Variants in CSGALNACT1 observed in about 807,000 individuals in gnomAD.
CSGALNACT1 encodes the protein chondroitin sulfate N-acetylgalactosaminyltransferase 1.
In CSGALNACT1, 52 loss-of-function variants were observed where a neutral mutation model predicts 51.0. The observed-to-expected ratio is 1.02, with a 90% CI of 0.82 to 1.29. The LOEUF is 1.29. Among genes scored for constraint, CSGALNACT1 ranks in the 50% most tolerant of loss-of-function variants. The pLI, the probability that CSGALNACT1 is intolerant of heterozygous loss-of-function variation, is 0.00. For missense variants in CSGALNACT1, 935 were observed against 679.2 expected, an observed-to-expected ratio of 1.38 and a Z score of -4.19; for synonymous variants, 341 against 254.4, an observed-to-expected ratio of 1.34 and a Z score of -3.24.
chr8:19,657,239 T>TAAACTGAAA (rs1169116172), intron 1 of CSGALNACT1, among the ~76,000 whole-genome samples: 1 of 86,284 alleles, frequency 1.2e-5, no homozygotes, highest in Non-Finnish European at 2.4e-5. Context: ...AACTGAAAGA[T>TAAACTGAAA]GATAAACTGA....
chr8:19,657,407 TG>T (rs1347354173), intron 1 of CSGALNACT1, among the ~76,000 whole-genome samples: 1 of 152,218 alleles, frequency 6.6e-6, no homozygotes, highest in African/African-American at 2.4e-5. Flanking sequence ...AAATAATGGT[TG>T]GATATTTTCT....
intron 9 of CSGALNACT1, among the ~76,000 whole-genome samples, chr8:19,407,023 A>T (rs1337813152): frequency 6.6e-6 from 1 of 152,224 alleles, no homozygotes; most frequent in Middle Eastern, 3.4e-3. Context: ...AAATTTTTAA[A>T]TGTCCTTTTT....
intron 1 of CSGALNACT1, among the ~76,000 whole-genome samples, chr8:19,733,595 G>A (rs2063803823): frequency 2.6e-5 from 4 of 152,118 alleles, no homozygotes. Context: ...TAATCAGAGG[G>A]TAACAAAGGC....
chr8:19,471,888 T>C (rs2068268849), intron 4 of CSGALNACT1, among the ~76,000 whole-genome samples: 2 of 152,198 alleles, frequency 1.3e-5, no homozygotes, highest in African/African-American at 4.8e-5. Flanking sequence ...CTCTGCACTT[T>C]TCTCCCTCAA....
intron 3 of CSGALNACT1, among the ~76,000 whole-genome samples, chr8:19,563,280 G>A (rs1250876439): frequency 6.6e-6 from 1 of 152,140 alleles, no homozygotes; most frequent in Non-Finnish European, 1.5e-5. Context: ...TCTGTCAGGA[G>A]GGTCAGGGGG....
chr8:19,649,723 C>T (rs2057605927), intron 1 of CSGALNACT1, among the ~76,000 whole-genome samples: 3 of 146,294 alleles, frequency 2.1e-5, no homozygotes, highest in Non-Finnish European at 3.0e-5. Context: ...TGAGGTTGTT[C>T]GTTTACTACA....
At chr8:19,605,836 A>ACTTTT (rs575376342), upstream of CSGALNACT1, among the ~76,000 whole-genome samples, 1 of 152,210 alleles carries the variant, frequency 6.6e-6, no homozygotes, top group African/African-American at 2.4e-5. Flanking sequence ...AAAATCATCT[A>ACTTTT]CTGAAAAGAG....
chr8:19,529,380 C>G (rs571586336), intron 3 of CSGALNACT1, among the ~76,000 whole-genome samples: 1 of 152,130 alleles, frequency 6.6e-6, no homozygotes, highest in Non-Finnish European at 1.5e-5. Context: ...GGGCCTTGAC[C>G]ACTACTGGGC....
At chr8:19,513,848 G>A (rs1228063985) in intron 3 of CSGALNACT1, among the ~76,000 whole-genome samples, 1 of 152,022 alleles carries the variant, frequency 6.6e-6, no homozygotes, top group African/African-American at 2.4e-5. Flanking sequence ...TAAAAATATA[G>A]TATTATAATT....
chr8:19,651,924 TG>T (rs67358913), intron 1 of CSGALNACT1, among the ~76,000 whole-genome samples: 1,031 of 44,428 alleles, frequency 0.023, 14 homozygotes, highest in African/African-American at 0.053. Flanking sequence ...TGTTTTTTTT[TG>T]TTTTGTTTTG....
At chr8:19,745,889 G>A (rs73592413) in intron 1 of CSGALNACT1, among the ~76,000 whole-genome samples, 3,084 of 152,174 alleles carry the variant, frequency 0.02, 101 homozygotes, top group African/African-American at 0.071. Context: ...AGTACACATC[G>A]GAAAACAGGA....
intron 5 of CSGALNACT1, chr8:19,457,737 T>C (rs1009630492): frequency 8.8e-5 from 118 of 1,348,158 alleles, no homozygotes; most frequent in Non-Finnish European, 1.1e-4. Flanking sequence ...TATGTGCATC[T>C]GAGCCATCAC....
chr8:19,750,243 C>A (rs2064947319), intron 1 of CSGALNACT1, among the ~76,000 whole-genome samples: 1 of 152,186 alleles, frequency 6.6e-6, no homozygotes, highest in South Asian at 2.1e-4. Context: ...TGCCTCCTGG[C>A]CATCCTCTTT....
chr8:19,504,288 G>C (rs970148782), intron 4 of CSGALNACT1, among the ~76,000 whole-genome samples: 47 of 152,286 alleles, frequency 3.1e-4, no homozygotes, highest in African/African-American at 1.0e-3. Flanking sequence ...GTGTTAGCCA[G>C]GATGGTCTCG....
chr8:19,659,185 G>T (rs570330006), intron 1 of CSGALNACT1, among the ~76,000 whole-genome samples: 193 of 152,218 alleles, frequency 1.3e-3, no homozygotes, highest in African/African-American at 4.4e-3. Flanking sequence ...TTTAATCAGG[G>T]TATCTCACAT....
At chr8:19,581,894 G>T (rs1451390015) in intron 3 of CSGALNACT1, among the ~76,000 whole-genome samples, 1 of 152,092 alleles carries the variant, frequency 6.6e-6, no homozygotes, top group Non-Finnish European at 1.5e-5. Flanking sequence ...TAATTTCAAA[G>T]GATTAACAAA....
At chr8:19,586,035 T>C (rs1269830696) in intron 3 of CSGALNACT1, among the ~76,000 whole-genome samples, 1 of 152,096 alleles carries the variant, frequency 6.6e-6, no homozygotes, top group Non-Finnish European at 1.5e-5. Context: ...ATGAAACCAA[T>C]TCCCTCTAGG....
chr8:19,680,651 G>C (rs1028707039), intron 1 of CSGALNACT1, among the ~76,000 whole-genome samples: 2 of 142,642 alleles, frequency 1.4e-5, no homozygotes, highest in African/African-American at 5.3e-5. Context: ...CACTGTGTTA[G>C]GTATTACAAG....
At chr8:19,733,961 T>C (rs2063827163) in intron 1 of CSGALNACT1, among the ~76,000 whole-genome samples, 1 of 152,110 alleles carries the variant, frequency 6.6e-6, no homozygotes, top group African/African-American at 2.4e-5. Flanking sequence ...CAGAATGCAC[T>C]CTAAGAAGTG....
Sources: allele counts gnomAD v4.1 joint callset (sites outside exome capture counted in the v4.1 genomes callset), GRCh38; gene constraint gnomAD v4.1.1; transcripts MANE v1.5; gene names NCBI Gene and HGNC (gene_info 2026-07-23, HGNC 2026-07-21).